Variants in SH3BP5 observed in about 807,000 individuals in gnomAD.
The protein encoded by SH3BP5 is SH3 domain binding protein 5.
A neutral mutation model predicts 43.3 loss-of-function variants in SH3BP5; 22 were observed. The observed-to-expected ratio is 0.51, with a 90% confidence interval of 0.36 to 0.73. The LOEUF (loss-of-function observed/expected upper bound fraction) is 0.73. SH3BP5 is among the 30% of genes least tolerant of loss of function. SH3BP5 has a pLI of 0.00. For missense variants in SH3BP5, 529 were observed against 586.9 expected (o/e 0.90, Z 1.02); for synonymous variants, 255 against 225.8 (o/e 1.13, Z -1.16).
At chr3:15,280,476 C>T (rs772858801) in intron 3 of SH3BP5, among the ~76,000 whole-genome samples, 2 of 152,286 alleles carry the variant, frequency 1.3e-5, no homozygotes, top group Middle Eastern at 3.4e-3. Context: ...CTCAGGGAGA[C>T]GGAGACAATG....
chr3:15,263,233 ACCT>A (rs1192417765), intron 4 of SH3BP5, among the ~76,000 whole-genome samples: 2 of 152,290 alleles, frequency 1.3e-5, no homozygotes, highest in South Asian at 2.1e-4. Context: ...AGCCACCTAG[ACCT>A]CCTCCCGTTC....
chr3:15,330,680 G>A (rs1244163389), intron 1 of SH3BP5, 114 bp from the exon 2 acceptor site: 4 of 1,403,490 alleles, frequency 2.9e-6, no homozygotes, highest in Non-Finnish European at 3.7e-6. Context: ...GAAAAGGGAA[G>A]AATCAGAATT....
intron 5 of SH3BP5, among the ~76,000 whole-genome samples, chr3:15,261,462 G>C (rs1252559008): frequency 6.6e-6 from 1 of 152,166 alleles, no homozygotes; most frequent in Non-Finnish European, 1.5e-5. Context: ...AGCCCCTCCT[G>C]GCTGGGGCTG....
intron 4 of SH3BP5, among the ~76,000 whole-genome samples, chr3:15,264,800 G>T (rs574516264): frequency 1.3e-5 from 2 of 152,168 alleles, no homozygotes; most frequent in East Asian, 1.9e-4. Flanking sequence ...AAGCTTTAAG[G>T]ATTTACTGGT....
rs1302046170 is a variant in SH3BP5, at chr3:15,256,965, G to A, written c.1038C>T (p.Ser346=). The A allele has an allele frequency of 6.2e-7, 1 of 1,614,212 alleles. No homozygotes were observed. Among genetic ancestry groups the A allele is most frequent in the South Asian group, 1.1e-5 (1 of 91,082 alleles). ...GGGACACAGGGCTGGGCAGATCCAG[G>A]CTGCCAGGCCTCACAACCGCAGGGA... ...DQFPAVVRPG[S]LDLPSPVSLS... is the part of the protein sequence containing the mutation. The change falls in exon 8 of 9, where the codon AGC becomes AGT. Residue 346 remains serine (S), a synonymous_variant. Coordinates refer to ENST00000383791, the MANE Select transcript of SH3BP5 (RefSeq NM_004844.5).
intron 3 of SH3BP5, among the ~76,000 whole-genome samples, chr3:15,292,735 C>T (rs1324233342): frequency 6.6e-6 from 1 of 152,174 alleles, no homozygotes; most frequent in Admixed American, 6.5e-5. Flanking sequence ...GTAATCGCAG[C>T]TACTCGGGAG....
intron 2 of SH3BP5, among the ~76,000 whole-genome samples, chr3:15,322,702 G>A (rs1323555492): frequency 6.6e-6 from 1 of 152,182 alleles, no homozygotes; most frequent in Non-Finnish European, 1.5e-5. Context: ...AGGCGTGGTG[G>A]CGCACTCCTG....
chr3:15,281,941 T>C (rs1575306398), intron 3 of SH3BP5, among the ~76,000 whole-genome samples: 1 of 151,692 alleles, frequency 6.6e-6, no homozygotes, highest in Non-Finnish European at 1.5e-5. Context: ...GAGGCGGAGG[T>C]TGCAGTGATG....
upstream of SH3BP5, among the ~76,000 whole-genome samples, chr3:15,337,139 G>A (rs1318115324): frequency 6.9e-6 from 1 of 144,280 alleles, no homozygotes; most frequent in Non-Finnish European, 1.5e-5. Context: ...ACCCAGGCTG[G>A]AGTGCGGTGG....
chr3:15,270,646 TC>T (rs1336710962), intron 3 of SH3BP5, among the ~76,000 whole-genome samples: 1 of 151,948 alleles, frequency 6.6e-6, no homozygotes, highest in African/African-American at 2.4e-5. Flanking sequence ...ATGTGATTAA[TC>T]CCAGCCAGGT....
intron 1 of SH3BP5, among the ~76,000 whole-genome samples, chr3:15,337,831 C>T (rs1465859985): frequency 6.6e-6 from 1 of 150,582 alleles, no homozygotes; most frequent in Admixed American, 6.6e-5. Flanking sequence ...AGGAGGATCC[C>T]CTGAGCCCAG....
chr3:15,265,513 C>CACACACACACAT (rs1696606523), intron 4 of SH3BP5, among the ~76,000 whole-genome samples: 2 of 7,092 alleles, frequency 2.8e-4, no homozygotes, highest in East Asian at 6.2e-3. Context: ...GAGACTCCGT[C>CACACACACACAT]ACACACACAC....
chr3:15,330,726 A>G, intron 1 of SH3BP5, 160 bp from the exon 2 acceptor site: 1 of 985,258 alleles, frequency 1.0e-6, no homozygotes, highest in Non-Finnish European at 1.2e-6. Context: ...TTGACTAGAA[A>G]AGCAAATGAA....
intron 5 of SH3BP5, among the ~76,000 whole-genome samples, chr3:15,260,945 T>C (rs955644538): frequency 6.6e-6 from 1 of 152,216 alleles, no homozygotes. Flanking sequence ...GAGTATGTGA[T>C]GTGTGTGCAG....
At chr3:15,310,714 A>G (rs1206898167) in intron 2 of SH3BP5, among the ~76,000 whole-genome samples, 1 of 152,230 alleles carries the variant, frequency 6.6e-6, no homozygotes, top group Non-Finnish European at 1.5e-5. Flanking sequence ...GTTCTTAAAC[A>G]GTTCCCTCTG....
At chr3:15,265,273 TG>T (rs1696592043) in intron 4 of SH3BP5, among the ~76,000 whole-genome samples, 1 of 152,080 alleles carries the variant, frequency 6.6e-6, no homozygotes, top group Non-Finnish European at 1.5e-5. Context: ...CCCAGCACTT[TG>T]GGAGGCCAAG....
At chr3:15,256,460 C>T (rs1241064281) in intron 8 of SH3BP5, 157 bp from the exon 9 acceptor site, 5 of 729,438 alleles carry the variant, frequency 6.9e-6, no homozygotes, top group African/African-American at 3.5e-5. Flanking sequence ...CCACTGTTAC[C>T]TACCGTGCCT....
chr3:15,314,994 A>C (rs1189162793), intron 2 of SH3BP5, among the ~76,000 whole-genome samples: 1 of 152,178 alleles, frequency 6.6e-6, no homozygotes, highest in South Asian at 2.1e-4. Flanking sequence ...AGAGACAGAC[A>C]AAAACAGAGG....
chr3:15,285,360 C>T (rs905499209), intron 3 of SH3BP5, among the ~76,000 whole-genome samples: 10 of 152,150 alleles, frequency 6.6e-5, no homozygotes, highest in Admixed American at 1.3e-4. Context: ...GTCATATGAA[C>T]GCCATTCTCT....
Sources: allele counts gnomAD v4.1 joint callset (sites outside exome capture counted in the v4.1 genomes callset), GRCh38; gene constraint gnomAD v4.1.1; transcripts MANE v1.5; gene names NCBI Gene and HGNC (gene_info 2026-07-23, HGNC 2026-07-21).